Variants in MISP observed in about 807,000 individuals in gnomAD.
The protein encoded by MISP is mitotic spindle positioning, also known as mitotic interactor and substrate of PLK1.
Under a neutral mutation model 49.3 loss-of-function variants are expected in MISP, and 51 were observed. The ratio of observed to expected loss-of-function variants is 1.03; its 90% CI spans 0.83 to 1.31. The LOEUF is 1.31. Among genes scored for constraint, MISP ranks in the 50% most tolerant of loss-of-function variants. The pLI, the probability that MISP is intolerant of heterozygous loss-of-function variation, is 0.00. For synonymous variants in MISP, 444 were observed against 392.6 expected, an observed-to-expected ratio of 1.13 and a Z score of -1.55; for missense variants, 1,084 against 935.1, an observed-to-expected ratio of 1.16 and a Z score of -2.08.
chr19:755,412 G>A (rs1454018859), intron 1 of MISP, among the ~76,000 whole-genome samples: 1 of 152,214 alleles, frequency 6.6e-6, no homozygotes, highest in Admixed American at 6.5e-5. Context: ...GTCCAGCTGG[G>A]CAGGGCAGGG....
At chr19:755,034 T>C (rs892956775) in intron 1 of MISP, among the ~76,000 whole-genome samples, 1 of 141,320 alleles carries the variant, frequency 7.1e-6, no homozygotes, top group Non-Finnish European at 1.5e-5. Context: ...TGGTTTGGGG[T>C]GGAAGAGGAG....
chr19:752,579 G>T (rs1258342239), intron 1 of MISP, among the ~76,000 whole-genome samples: 1 of 151,944 alleles, frequency 6.6e-6, no homozygotes, highest in Non-Finnish European at 1.5e-5. Context: ...CAGGGGAGGG[G>T]GCCCAGTGGC....
chr19:760,162 C>A (rs375797268), intron 3 of MISP, 123 bp downstream of exon 3: 1 of 1,104,998 alleles, frequency 9.0e-7, no homozygotes. Context: ...CACCCCTGGC[C>A]GTGCCTCAGT....
chr19:755,669 CG>C (rs1400811111), intron 1 of MISP, among the ~76,000 whole-genome samples: 2 of 152,114 alleles, frequency 1.3e-5, no homozygotes, highest in Non-Finnish European at 2.9e-5. Context: ...CGGTGGCTCA[CG>C]CCTGTAATTC....
At position 757,060 on chromosome 19, in the gene MISP, C is replaced by G. The variant is rs369681774; in HGVS notation, c.114C>G (p.Pro38=). 6.2e-7 allele frequency: 1 copy of G among 1,610,950 alleles called. No individual in the cohort carries two copies. The highest frequency in any genetic ancestry group is 1.7e-5 in the Admixed American group (1 of 59,486). The part of the protein sequence containing the change: ...SYTYHLVCMG[P]EASGWGQDEP... ...CATACCATCTGGTGTGCATGGGCCC[C>G]GAGGCCAGCGGCTGGGGCCAGGATG... The change falls in exon 2 of 5, where the codon CCC becomes CCG. Residue 38 remains proline, a synonymous_variant. Coordinates refer to ENST00000215582, the MANE Select transcript of MISP (RefSeq NM_173481.4).
rs776368826 is a variant in MISP at position 757,801 on chromosome 19, G to C, written c.855G>C (p.Pro285=). The change falls in exon 2 of 5, where the codon CCG becomes CCC. Residue 285 remains proline (P), a synonymous_variant. Transcript: ENST00000215582. ...GCTCCTTGGCCTCAGTGGAGTCCCC[G>C]GGGACCCCCAAGGAGACGCCCATCG... ...DPGSLASVES[P]GTPKETPIER... The C allele has an allele frequency of 6.2e-7, 1 of 1,611,970 alleles. No individual in the cohort carries two copies. The highest frequency in any genetic ancestry group is 2.2e-5 in the East Asian group (1 of 44,798).
In MISP at chr19:757,140, G is replaced by A; in HGVS notation, c.194G>A (p.Gly65Glu). 6.2e-7 allele frequency: 1 copy of A among 1,613,344 alleles called. No homozygotes were observed. Among genetic ancestry groups the A allele is most frequent in the South Asian group, 1.1e-5 (1 of 91,084 alleles). The change falls in exon 2 of 5, where the codon GGG becomes GAG. Residue 65 changes from glycine (G) to glutamate (E), a missense_variant. Transcript: ENST00000215582. ...HRAQQGVQRQ[G>E]VSYSVHAYTG... is the part of the protein sequence containing the mutation. ...GCCCAGCAGGGCGTGCAGAGGCAGG[G>A]GGTGTCCTACAGCGTGCATGCCTAC...
upstream of MISP, among the ~76,000 whole-genome samples, chr19:749,559 C>T (rs975410918): frequency 3.9e-5 from 6 of 151,954 alleles, no homozygotes; most frequent in Admixed American, 3.3e-4. Context: ...GGCCAGGCGC[C>T]GTGGCTCGCG....
At chr19:761,843 G>A (rs192018706) in intron 4 of MISP, among the ~76,000 whole-genome samples, 180 bp downstream of exon 4, 1 of 152,288 alleles carries the variant, frequency 6.6e-6, no homozygotes, top group Non-Finnish European at 1.5e-5. Context: ...TCTGCCATGG[G>A]CATGGATTAG....
chr19:749,298 G>A (rs149512467), upstream of MISP, among the ~76,000 whole-genome samples: 2,795 of 152,324 alleles, frequency 0.018, 33 homozygotes, highest in Middle Eastern at 0.027. Flanking sequence ...GGAGAGCACT[G>A]CTGAGGGAAC....
chr19:753,748 T>TG (rs139343799), intron 1 of MISP, among the ~76,000 whole-genome samples: 8,248 of 151,850 alleles, frequency 0.054, 562 homozygotes, highest in East Asian at 0.35. Flanking sequence ...ATAGCCTTGG[T>TG]GGCCCGGGAG....
chr19:761,510 G>GA (rs764397255), intron 3 of MISP, 115 bp from the exon 4 acceptor site: 5 of 1,146,764 alleles, frequency 4.4e-6, no homozygotes, highest in Non-Finnish European at 6.5e-6. Flanking sequence ...CAGGGCAGGG[G>GA]ATGCCTTCCA....
intron 1 of MISP, among the ~76,000 whole-genome samples, chr19:752,164 T>G (rs1463399195): frequency 6.6e-6 from 1 of 151,376 alleles, no homozygotes; most frequent in Non-Finnish European, 1.5e-5. Context: ...AAAACCGGAG[T>G]CGAAAACGGT....
chr19:763,393 C>T, intron 4 of MISP, 108 bp from the exon 5 acceptor site: 5 of 728,880 alleles, frequency 6.9e-6, no homozygotes, highest in Non-Finnish European at 1.2e-5. Flanking sequence ...AGGAGGGGAT[C>T]CTACTTTACC....
At chr19:754,651 G>A (rs1210340523) in intron 1 of MISP, among the ~76,000 whole-genome samples, 3 of 152,182 alleles carry the variant, frequency 2.0e-5, no homozygotes, top group African/African-American at 7.2e-5. Flanking sequence ...TACCTAAGAC[G>A]GGTGCTGGGT....
upstream of MISP, among the ~76,000 whole-genome samples, chr19:748,769 G>A (rs372884428): frequency 1.3e-5 from 2 of 152,190 alleles, no homozygotes; most frequent in African/African-American, 4.8e-5. Flanking sequence ...GTGCTGCCCC[G>A]CCAGCCCCAC....
chr19:759,611 A>G (rs568698829), intron 2 of MISP, among the ~76,000 whole-genome samples: 25 of 151,602 alleles, frequency 1.6e-4, no homozygotes, highest in South Asian at 1.5e-3. Flanking sequence ...CGTGTTAGCC[A>G]GGACGGTCTC....
At chr19:761,704 C>T (rs774727735) in intron 4 of MISP, 41 bp downstream of exon 4, 3 of 1,611,856 alleles carry the variant, frequency 1.9e-6, no homozygotes, top group South Asian at 1.1e-5. Context: ...GTCTTTCCCC[C>T]CCACATCTGT....
rs34496713 is a variant in MISP, at chr19:757,694, C to A, written c.748C>A (p.Gln250Lys). 1.9e-6 allele frequency: 3 copies of A among 1,613,824 alleles called. No individual in the cohort carries two copies. The highest frequency in any genetic ancestry group is 8.5e-7 in the Non-Finnish European group (1 of 1,179,968). ...ANGHVVPIKP[Q>K]VKGVVREENK... ...CGGGCACGTGGTTCCCATCAAGCCC[C>A]AGGTGAAGGGGGTGGTCAGGGAAGA... The change falls in exon 2 of 5, where the codon CAG becomes AAG. Residue 250 changes from glutamine (Q) to lysine (K), a missense_variant. Gln to Lys is a moderately conservative substitution (Grantham distance 53). Coordinates refer to ENST00000215582, the MANE Select transcript of MISP (RefSeq NM_173481.4).
Sources: allele counts gnomAD v4.1 joint callset (sites outside exome capture counted in the v4.1 genomes callset), GRCh38; gene constraint gnomAD v4.1.1; transcripts MANE v1.5; gene names NCBI Gene and HGNC (gene_info 2026-07-23, HGNC 2026-07-21).